The following ATP12A variants were observed in gnomAD, a reference collection of about 807,000 sequenced individuals.
ATP12A encodes potassium-transporting ATPase alpha chain 2.
Under a neutral mutation model 111.2 loss-of-function variants are expected in ATP12A, and 81 were observed. The ratio of observed to expected loss-of-function variants is 0.73; its 90% CI spans 0.61 to 0.88. The LOEUF is 0.88. ATP12A is among the 40% of genes least tolerant of loss of function. The pLI is 0.00. For missense variants in ATP12A, 1,196 were observed against 1,313.1 expected, an observed-to-expected ratio of 0.91 and a Z score of 1.38; for synonymous variants, 498 against 499.8, an observed-to-expected ratio of 1.00 and a Z score of 0.05.
At position 24,681,636 on chromosome 13, in the gene ATP12A, G is replaced by GGA; in HGVS notation, c.87_88dup (p.Lys30ArgfsTer6). On this transcript the variant is annotated frameshift_variant, in exon 2 of 23. Transcript: ENST00000381946. LOFTEE classifies it high-confidence loss of function. ...TGAAAACAGACAAGGGGGATGGCAA[G>GGA]GAGAAGTATAGGGGTCTGAAGAACA... 6.2e-7 allele frequency: 1 copy of GGA among 1,614,230 alleles called. No individual in the cohort carries two copies. The highest frequency in any genetic ancestry group is 8.5e-7 in the Non-Finnish European group (1 of 1,180,040).
At position 24,711,399 on chromosome 13, in the gene ATP12A, C is replaced by T. The variant is rs753934399; in HGVS notation, c.3081C>T (p.Leu1027=). Residue 1027 remains leucine, a synonymous_variant, in exon 22 of 23, where the codon CTC becomes CTT. Coordinates refer to ENST00000381946, the MANE Select transcript of ATP12A (RefSeq NM_001676.7). ...AGGTGCGGAAGCTCTTCATCAGGCT[C>T]TACCCTGGAAGTGAGTAGCCTATGA... ...YDEVRKLFIR[L]YPGSWWDKNM... is the part of the protein sequence containing the mutation. 1.2e-6 allele frequency: 2 copies of T among 1,613,548 alleles called. No homozygotes were observed. Among genetic ancestry groups the T allele is most frequent in the Non-Finnish European group, 1.7e-6 (2 of 1,179,814 alleles).
intron 12 of ATP12A, 111 bp downstream of exon 12, chr13:24,698,961 T>A: frequency 7.6e-7 from 1 of 1,307,554 alleles, no homozygotes; most frequent in Non-Finnish European, 1.0e-6. Flanking sequence ...GTGAAGCATG[T>A]AAAGGAGAAC....
chr13:24,685,189 C>A lies in ATP12A; in HGVS notation c.169-125C>A. 2.3e-6 allele frequency: 2 copies of A among 857,912 alleles called. No individual in the cohort carries two copies. The highest frequency in any genetic ancestry group is 3.9e-6 in the Non-Finnish European group (2 of 516,704). 53.1% of individuals were successfully genotyped at this position (857,912 alleles called of 1,614,324 possible). A position where few individuals can be genotyped will look rare whatever the true frequency, so the allele number is the denominator to read the frequency against. Reference sequence around the variant, plus strand: ...CAGGGGTTCTTTCTCTCCTGTCCCCCACACTCCTCGATCCCCTCCCATCCT... The same window carrying A: ...CAGGGGTTCTTTCTCTCCTGTCCCCAACACTCCTCGATCCCCTCCCATCCT... On this transcript the variant is annotated intron_variant, in intron 2 of 22. Transcript: ENST00000381946. The surrounding 1 kb of genome is among the most constrained non-coding windows in gnomAD (Gnocchi z 5.5).
intron 5 of ATP12A, among the ~76,000 whole-genome samples, chr13:24,689,914 G>A (rs1867769): frequency 0.23 from 35,585 of 151,814 alleles, 4,624 homozygotes; most frequent in East Asian, 0.47. Context: ...CCTGACACTC[G>A]CAAGATTATC....
intron 17 of ATP12A, among the ~76,000 whole-genome samples, chr13:24,708,942 A>AAAGAAAGGAAGGAAGG (rs1566078294): frequency 9.3e-6 from 1 of 107,790 alleles, no homozygotes. Flanking sequence ...AGAAAGAAAG[A>AAAGAAAGGAAGGAAGG]AAGAAAGAAA....
At chr13:24,703,060 C>G (rs1217855488) in intron 14 of ATP12A, among the ~76,000 whole-genome samples, 4 of 152,210 alleles carry the variant, frequency 2.6e-5, no homozygotes, top group Non-Finnish European at 5.9e-5. Context: ...GTTAGACAAC[C>G]AACCAGGGTT....
Position 24,689,368 on chromosome 13 carries a change from T to C in ATP12A, c.539T>C (p.Ile180Thr), listed in dbSNP as rs1266943768. The C allele has an allele frequency of 1.9e-6, 3 of 1,613,772 alleles. No homozygotes were observed. Among genetic ancestry groups the C allele is most frequent in the East Asian group, 2.2e-5 (1 of 44,858 alleles). Residue 180 changes from isoleucine (I) to threonine (T), a missense_variant, in exon 5 of 23, where the codon ATC (isoleucine) becomes ACC (threonine). Ile to Thr is a moderately conservative substitution (Grantham distance 89, BLOSUM62 -1). This residue lies in a region of ATP12A where 1,126 missense variants were observed against 1,228.5 expected (regional missense o/e 0.92). Coordinates refer to ENST00000381946, the MANE Select transcript of ATP12A (RefSeq NM_001676.7). ...ATCATGTCCAGCTTCAATAAGATGA[T>C]CCCTCAGGTGAGTGGCAGCCACCTA... The part of the protein sequence containing the change: ...TNIMSSFNKM[I>T]PQQALVIRDS...
At chr13:24,688,860 G>A (rs561636781) in intron 4 of ATP12A, among the ~76,000 whole-genome samples, 2 of 152,234 alleles carry the variant, frequency 1.3e-5, no homozygotes, top group Admixed American at 1.3e-4. Flanking sequence ...AACTGAATTG[G>A]CCAACGTGAT....
rs567883215 is a variant in ATP12A, at chr13:24,690,044, G to C, written c.547-294G>C. On this transcript the variant is annotated intron_variant, in intron 5 of 22. Transcript: ENST00000381946. ...GGCTTGGCCAGATCTGGCCAACAGC[G>C]ACTCTTCTGTTCCAAGAACTCTCCA... Among the ~76,000 whole-genome samples the C allele has an allele frequency of 2.6e-5, 4 of 152,252 alleles. No homozygotes were observed. The East Asian group carries it at 7.7e-4, about 29-fold the overall frequency.
In ATP12A at chr13:24,711,539, A is replaced by C. The variant is rs187765504; in HGVS notation, c.*17A>C. ...TATTATTAAGACCACCTCCCTTCCTATGTCTCTCAGCAGCACGTTGGGGCA... is the reference window on the plus strand; with the variant it reads ...TATTATTAAGACCACCTCCCTTCCTCTGTCTCTCAGCAGCACGTTGGGGCA... On this transcript the variant is annotated 3_prime_UTR_variant, in exon 23 of 23. Coordinates refer to ENST00000381946, the MANE Select transcript of ATP12A (RefSeq NM_001676.7). 59 of 1,613,932 alleles carry C rather than the reference A, an allele frequency of 3.7e-5. 2 individuals carry two copies. In the East Asian group the frequency reaches 1.2e-3, roughly 32 times the overall value.
Position 24,691,137 on chromosome 13 carries a change from A to G in ATP12A, c.955A>G (p.Ile319Val). The change falls in exon 8 of 23, where the codon ATC (isoleucine) becomes GTC (valine). Residue 319 changes from isoleucine to valine, a missense_variant. Transcript: ENST00000381946. ...GGCAGGAGTGGCTGTCTCCATCGGC[A>G]TCCTTTTCTTCATCATCGCTGTGTC... ...IVAGVAVSIG[I>V]LFFIIAVSLK... 6.2e-7 allele frequency: 1 copy of G among 1,614,158 alleles called. No individual in the cohort carries two copies. Among genetic ancestry groups the G allele is most frequent in the Non-Finnish European group, 8.5e-7 (1 of 1,180,030 alleles).
At chr13:24,701,501 C>CAAAAAAAAAAAAAAAA (rs10586421) in intron 13 of ATP12A, among the ~76,000 whole-genome samples, 1 of 101,398 alleles carries the variant, frequency 9.9e-6, no homozygotes, top group Non-Finnish European at 2.0e-5. Context: ...AACTCTGTCT[C>CAAAAAAAAAAAAAAAA]AAAAAAAAAA....
rs557141693 is a variant in ATP12A, at chr13:24,681,840, T to C, written c.168+120T>C. 28 of 1,330,554 alleles carry C rather than the reference T, an allele frequency of 2.1e-5. No homozygotes were observed. In the South Asian group the frequency reaches 3.4e-4, roughly 16 times the overall value. 82.4% of individuals were successfully genotyped at this position (1,330,554 alleles called of 1,614,324 possible). A position where few individuals can be genotyped will look rare whatever the true frequency, so the allele number is the denominator to read the frequency against. On this transcript the variant is annotated intron_variant, in intron 2 of 22. Coordinates refer to ENST00000381946, the MANE Select transcript of ATP12A (RefSeq NM_001676.7). ...TGAGGGATTTGAAATCCCCTTGAGA[T>C]TGTGTGTGGTGTGTGGTGTCTGCGT... is the stretch of plus-strand genomic sequence containing the variant.
At chr13:24,709,272 AGCCAGTGCCCCACCCACCCCAG>A in intron 17 of ATP12A, 70 bp from the exon 18 acceptor site, 1 of 57,540 alleles carries the variant, frequency 1.7e-5, no homozygotes, top group Non-Finnish European at 3.5e-5. Context: ...CACCCCATCC[AGCCAGTGCCCCACCCACCCCAG>A]CCCCCCTCCC....
chr13:24,707,129 A>G lies in ATP12A; in HGVS notation c.2276A>G (p.Asn759Ser). The G allele has an allele frequency of 1.9e-6, 3 of 1,614,186 alleles. No homozygotes were observed. Among genetic ancestry groups the G allele is most frequent in the Non-Finnish European group, 2.5e-6 (3 of 1,180,026 alleles). Residue 759 changes from asparagine to serine, a missense_variant, in exon 16 of 23, where the codon AAT becomes AGT. Coordinates refer to ENST00000381946, the MANE Select transcript of ATP12A (RefSeq NM_001676.7). Reference sequence around the variant, plus strand: ...ATAGCAGGTTCTGATGCAGCCAAAAATGCAGCCGACATGGTCTTGCTGGAC... The same window carrying G: ...ATAGCAGGTTCTGATGCAGCCAAAAGTGCAGCCGACATGGTCTTGCTGGAC... The part of the protein sequence containing the change: ...MGIAGSDAAK[N>S]AADMVLLDDN...
chr13:24,690,193 C>T, intron 5 of ATP12A, 145 bp from the exon 6 acceptor site: 2 of 1,261,704 alleles, frequency 1.6e-6, no homozygotes, highest in Non-Finnish European at 2.2e-6. Flanking sequence ...GGGCCAGGTG[C>T]AGGCTGCATA....
intron 2 of ATP12A, among the ~76,000 whole-genome samples, chr13:24,683,397 C>T (rs543232821): frequency 2.0e-5 from 3 of 152,200 alleles, no homozygotes; most frequent in Non-Finnish European, 1.5e-5. Context: ...GATCTTAAAG[C>T]TCTGTGACTC....
chr13:24,708,946 A>AAAGAAAGGAAGG (rs775291322), intron 17 of ATP12A, among the ~76,000 whole-genome samples: 1,528 of 100,328 alleles, frequency 0.015, 60 homozygotes, highest in African/African-American at 0.031. Flanking sequence ...AGAAAGAAAG[A>AAAGAAAGGAAGG]AAGAAAGAAA....
intron 3 of ATP12A, among the ~76,000 whole-genome samples, chr13:24,687,083 G>A (rs1022903912): frequency 2.0e-5 from 3 of 152,138 alleles, no homozygotes; most frequent in Admixed American, 1.3e-4. Context: ...ATGGGATCGA[G>A]GTGGTGAGCC....
Sources: gnomAD v4.1 joint callset for allele counts (sites outside exome capture counted in the v4.1 genomes callset) on GRCh38, gnomAD v4.1.1 for gene constraint, gnomAD v4.1.1 regional missense constraint, Gnocchi (gnomAD v3.1) non-coding constraint, MANE v1.5 for transcripts, NCBI Gene and HGNC (gene_info 2026-07-23, HGNC 2026-07-21) for gene names.